PDE4D: variants seen among roughly 807,000 people sequenced by gnomAD.
The protein encoded by PDE4D is 3',5'-cyclic-AMP phosphodiesterase 4D.
Under a neutral mutation model 87.4 loss-of-function variants are expected in PDE4D, and 24 were observed. That is an observed-to-expected ratio of 0.27 (90% CI 0.20 to 0.39). The LOEUF (loss-of-function observed/expected upper bound fraction) is 0.39, where lower values mean the gene tolerates loss of function less well. Ranked by LOEUF, PDE4D falls within the 10% of genes least tolerant of loss-of-function variation. The pLI is 1.00. For missense variants in PDE4D, 714 were observed against 1,041.0 expected, an observed-to-expected ratio of 0.69 and a Z score of 4.32; for synonymous variants, 384 against 383.2, an observed-to-expected ratio of 1.00 and a Z score of -0.02.
chr5:59,998,460 C>A (rs990386029), intron 2 of PDE4D, among the ~76,000 whole-genome samples: 2 of 151,978 alleles, frequency 1.3e-5, no homozygotes, highest in African/African-American at 4.8e-5. Flanking sequence ...AATTACCACA[C>A]CAACATCTCA....
rs139954464 is a variant in PDE4D, at chr5:59,159,979, T to C, written c.808+20616A>G. Among the ~76,000 whole-genome samples, 1,152 of 152,270 alleles carry C rather than the reference T, an allele frequency of 7.6e-3. 50 individuals are homozygous for C. Among genetic ancestry groups the C allele is most frequent in the Admixed American group, 0.07 (1,068 of 15,292 alleles). ...TCCTCATAGATCATTAGCTCCTAAG[T>C]GCATTTGTGAATGACAGGGAAGTAC... On this transcript the variant is annotated intron_variant, in intron 5 of 14. Coordinates refer to ENST00000340635, the MANE Select transcript of PDE4D (RefSeq NM_001104631.2).
chr5:59,564,567 A>G (rs1362926736), intron 1 of PDE4D, among the ~76,000 whole-genome samples: 2 of 152,196 alleles, frequency 1.3e-5, no homozygotes, highest in African/African-American at 4.8e-5. Context: ...CCAGAAGGAC[A>G]CTCTCGCCAG....
intron 3 of PDE4D, among the ~76,000 whole-genome samples, chr5:59,927,212 C>T (rs1755393779): frequency 6.6e-6 from 1 of 152,198 alleles, no homozygotes; most frequent in Non-Finnish European, 1.5e-5. Context: ...ACCTCAACTT[C>T]TAACATTTCC....
At chr5:59,832,851 T>C (rs969359228) in intron 1 of PDE4D, among the ~76,000 whole-genome samples, 3 of 152,172 alleles carry the variant, frequency 2.0e-5, no homozygotes, top group Admixed American at 1.3e-4. Flanking sequence ...TGAGTGTTTA[T>C]ACTAGAAAAA....
chr5:59,810,733 G>T lies in PDE4D; in HGVS notation c.455+82435C>A, dbSNP rs1030446781. Among the ~76,000 whole-genome samples the T allele has an allele frequency of 2.0e-5, 3 of 152,070 alleles. No homozygotes were observed. The East Asian group carries it at 5.8e-4, about 29-fold the overall frequency. On this transcript the variant is annotated intron_variant, in intron 1 of 14. Coordinates refer to ENST00000340635, the MANE Select transcript of PDE4D (RefSeq NM_001104631.2). ...ATTTTGCTAGCTCCCTCGTTCCTACGTATTCCCATTTTTCCGGCTTATTTA... is the reference window on the plus strand; with the variant it reads ...ATTTTGCTAGCTCCCTCGTTCCTACTTATTCCCATTTTTCCGGCTTATTTA...
chr5:60,183,157 G>A (rs1222956141), intron 2 of PDE4D, among the ~76,000 whole-genome samples: 1 of 152,148 alleles, frequency 6.6e-6, no homozygotes, highest in East Asian at 1.9e-4. Flanking sequence ...AAACCAGGAC[G>A]AGAGAGCTTA....
chr5:60,218,588 T>C (rs1744134105), intron 1 of PDE4D, among the ~76,000 whole-genome samples: 1 of 152,026 alleles, frequency 6.6e-6, no homozygotes, highest in South Asian at 2.1e-4. Context: ...TTCAAAAGTG[T>C]AAGAGCCCAG....
At chr5:59,080,129 C>T (rs914013739) in intron 5 of PDE4D, among the ~76,000 whole-genome samples, 6 of 152,174 alleles carry the variant, frequency 3.9e-5, no homozygotes, top group Non-Finnish European at 8.8e-5. Flanking sequence ...CCTGCATTAT[C>T]TCAAGCTACT....
intron 1 of PDE4D, among the ~76,000 whole-genome samples, chr5:60,230,877 C>G (rs1745725055): frequency 6.6e-6 from 1 of 152,024 alleles, no homozygotes; most frequent in Non-Finnish European, 1.5e-5. Context: ...TAGGCTTTGG[C>G]ATAAACTCTA....
At chr5:59,258,411 G>C (rs1371555586) in intron 1 of PDE4D, among the ~76,000 whole-genome samples, 2 of 151,928 alleles carry the variant, frequency 1.3e-5, no homozygotes, top group East Asian at 3.9e-4. Flanking sequence ...TCCAGGAAGG[G>C]AGGGAGGCAC....
At chr5:59,479,374 C>T (rs1803861183) in intron 1 of PDE4D, among the ~76,000 whole-genome samples, 1 of 152,090 alleles carries the variant, frequency 6.6e-6, no homozygotes, top group African/African-American at 2.4e-5. Flanking sequence ...TAACCCTAAA[C>T]AATTCCAGAT....
intron 1 of PDE4D, among the ~76,000 whole-genome samples, chr5:59,804,829 T>C (rs1395306084): frequency 6.6e-6 from 1 of 152,192 alleles, no homozygotes; most frequent in African/African-American, 2.4e-5. Flanking sequence ...TCTCGCTCTG[T>C]CACCCAGGCT....
At chr5:59,232,770 A>G (rs1040348172) in intron 1 of PDE4D, among the ~76,000 whole-genome samples, 1 of 151,966 alleles carries the variant, frequency 6.6e-6, no homozygotes, top group African/African-American at 2.4e-5. Context: ...ATATGGAATC[A>G]ACCAAAGTAT....
At chr5:59,516,938 C>T (rs1486040176) in intron 1 of PDE4D, among the ~76,000 whole-genome samples, 1 of 96,074 alleles carries the variant, frequency 1.0e-5, no homozygotes, top group Non-Finnish European at 2.1e-5. Context: ...CATACACATA[C>T]ATAGGCACAC....
rs149555825 is a variant in PDE4D, at chr5:60,156,741, T to A, written c.42+28816A>T. On this transcript the variant is annotated intron_variant, in intron 2 of 16. Coordinates refer to the PDE4D transcript ENST00000502484. ...GGCACAATTTCTACCATTTTTTCTA[T>A]GTATGCTTTTAAGATGTCATTTATT... Among the ~76,000 whole-genome samples, 146 of 152,278 alleles carry A rather than the reference T, an allele frequency of 9.6e-4. 1 individual carries two copies. The highest frequency in any genetic ancestry group is 3.4e-3 in the African/African-American group (142 of 41,574).
At chr5:59,933,054 C>T (rs575322164) in intron 3 of PDE4D, among the ~76,000 whole-genome samples, 8 of 152,136 alleles carry the variant, frequency 5.3e-5, no homozygotes, top group Non-Finnish European at 1.2e-4. Flanking sequence ...TGGTCTCCTG[C>T]ACCATTGCTT....
intron 5 of PDE4D, chr5:59,090,984 A>G (rs1768626552): frequency 1.3e-5 from 5 of 382,452 alleles, no homozygotes; most frequent in Admixed American, 3.2e-5. Context: ...AAGGGTGCTC[A>G]GAAATGCTGT....
At chr5:60,259,203 T>A (rs1221092680) in intron 1 of PDE4D, among the ~76,000 whole-genome samples, 2 of 152,080 alleles carry the variant, frequency 1.3e-5, no homozygotes, top group African/African-American at 4.8e-5. Context: ...AGACATATTT[T>A]ATGCTTTCCA....
At chr5:60,357,652 T>G (rs899032212) in intron 1 of PDE4D, among the ~76,000 whole-genome samples, 4 of 152,168 alleles carry the variant, frequency 2.6e-5, no homozygotes, top group African/African-American at 9.7e-5. Flanking sequence ...TCAGTAAAGT[T>G]GAGAACAAAA....
Sources: gnomAD v4.1 joint callset for allele counts (sites outside exome capture counted in the v4.1 genomes callset) on GRCh38, gnomAD v4.1.1 for gene constraint, MANE v1.5 for transcripts, NCBI Gene and HGNC (gene_info 2026-07-23, HGNC 2026-07-21) for gene names.